The following SEC14L5 variants were observed in gnomAD, a reference collection of about 807,000 sequenced individuals.
SEC14L5 encodes the protein SEC14 like lipid binding 5, also known as SEC14-like protein 5.
SEC14L5 carries 96 observed loss-of-function variants against 84.6 expected under a neutral mutation model. That is an observed-to-expected ratio of 1.13 (90% CI 0.96 to 1.34). The LOEUF is 1.34. Ranked by LOEUF, SEC14L5 falls within the 40% of genes most tolerant of loss-of-function variation. The probability of loss-of-function intolerance (pLI) is 0.00; values close to 1 mark genes in which losing one functional copy is unlikely to be tolerated. For synonymous variants in SEC14L5, 546 were observed against 383.4 expected, an observed-to-expected ratio of 1.42 and a Z score of -4.95; for missense variants, 1,224 against 942.5, an observed-to-expected ratio of 1.30 and a Z score of -3.91.
At chr16:5,010,906 T>C (rs1316849958) in intron 14 of SEC14L5, 189 bp from the exon 15 acceptor site, 6 of 598,562 alleles carry the variant, frequency 1.0e-5, no homozygotes, top group African/African-American at 5.6e-5. Context: ...GTCCCAGGGA[T>C]ATGGGGATAA....
At chr16:4,966,637 T>C (rs1291944365) in intron 2 of SEC14L5, among the ~76,000 whole-genome samples, 2 of 152,172 alleles carry the variant, frequency 1.3e-5, no homozygotes. Flanking sequence ...AGATGAGTTC[T>C]GTGGGCAGCC....
intron 2 of SEC14L5, chr16:4,960,832 C>T (rs1955112258): frequency 6.6e-6 from 1 of 152,234 alleles, no homozygotes; most frequent in Admixed American, 6.5e-5. Context: ...ATGATCGTTA[C>T]TGTTTTTGCA....
chr16:4,962,100 G>C (rs952827585), intron 2 of SEC14L5, among the ~76,000 whole-genome samples: 1 of 135,772 alleles, frequency 7.4e-6, no homozygotes, highest in Non-Finnish European at 1.5e-5. Context: ...CTTATTCATA[G>C]AATAAGACAG....
chr16:5,009,549 C>G (rs1038529054), intron 14 of SEC14L5, among the ~76,000 whole-genome samples: 2 of 152,084 alleles, frequency 1.3e-5, no homozygotes, highest in Admixed American at 6.6e-5. Context: ...ATCTTGAATG[C>G]CTGAGCTCAA....
intron 6 of SEC14L5, among the ~76,000 whole-genome samples, chr16:4,994,715 G>T (rs74005465): frequency 0.011 from 1,677 of 150,078 alleles, 24 homozygotes; most frequent in African/African-American, 0.039. Context: ...GCCCGCTCCT[G>T]CCCCCTCCTG....
At chr16:4,984,038 C>T (rs1212412868) in intron 2 of SEC14L5, among the ~76,000 whole-genome samples, 1 of 152,100 alleles carries the variant, frequency 6.6e-6, no homozygotes, top group East Asian at 1.9e-4. Context: ...ACATATCATA[C>T]AACTCATTCA....
chr16:4,982,090 T>C (rs1479346548), intron 2 of SEC14L5, among the ~76,000 whole-genome samples: 1 of 152,022 alleles, frequency 6.6e-6, no homozygotes, highest in East Asian at 1.9e-4. Context: ...GCAACTGACA[T>C]GGAGATATGG....
chr16:4,971,942 C>G (rs893445467), intron 2 of SEC14L5, among the ~76,000 whole-genome samples: 6 of 151,922 alleles, frequency 3.9e-5, no homozygotes, highest in African/African-American at 1.5e-4. Context: ...AGACTGTAAA[C>G]AAACAAACGC....
chr16:4,989,435 G>T (rs751985373), intron 4 of SEC14L5, among the ~76,000 whole-genome samples: 1 of 151,898 alleles, frequency 6.6e-6, no homozygotes, highest in Non-Finnish European at 1.5e-5. Context: ...TTGTTAAAAG[G>T]ATTCTCTTGC....
At chr16:4,965,609 C>T (rs921862108) in intron 2 of SEC14L5, among the ~76,000 whole-genome samples, 28 of 126,458 alleles carry the variant, frequency 2.2e-4, no homozygotes, top group African/African-American at 8.6e-4. Context: ...TGCACTGAGC[C>T]GAGATAGCAC....
intron 2 of SEC14L5, among the ~76,000 whole-genome samples, chr16:4,972,225 A>C (rs1038265721): frequency 6.6e-6 from 1 of 151,710 alleles, no homozygotes; most frequent in Non-Finnish European, 1.5e-5. Context: ...CTGGTCTCAA[A>C]CTCCCGGCTT....
chr16:5,006,364 A>G (rs1265969362), intron 12 of SEC14L5, among the ~76,000 whole-genome samples: 3 of 152,210 alleles, frequency 2.0e-5, no homozygotes, highest in African/African-American at 4.8e-5. Flanking sequence ...CATCAAAGAC[A>G]TTGCCAAGCA....
intron 6 of SEC14L5, among the ~76,000 whole-genome samples, chr16:4,994,209 C>T (rs1465444198): frequency 6.6e-6 from 1 of 152,124 alleles, no homozygotes; most frequent in Non-Finnish European, 1.5e-5. Context: ...AAGATGTGTA[C>T]TCAGGTTGAT....
intron 3 of SEC14L5, 81 bp downstream of exon 3, chr16:4,987,787 C>A: frequency 1.8e-6 from 2 of 1,134,032 alleles, no homozygotes; most frequent in Non-Finnish European, 2.4e-6. Flanking sequence ...AGCTGGGGAC[C>A]AGGGCGGCGG....
chr16:5,002,200 G>C (rs1396924579), intron 10 of SEC14L5, among the ~76,000 whole-genome samples: 1 of 152,020 alleles, frequency 6.6e-6, no homozygotes, highest in African/African-American at 2.4e-5. Context: ...CTCCTAAACA[G>C]CCCTGTGAGA....
chr16:5,008,744 CT>C, intron 14 of SEC14L5, 96 bp downstream of exon 14: 1 of 1,096,458 alleles, frequency 9.1e-7, no homozygotes, highest in South Asian at 1.4e-5. Context: ...ACATACTGGG[CT>C]GCTGGTCCCC....
Position 4,970,146 on chromosome 16 carries a change from C to T in SEC14L5, c.63+10760C>T, listed in dbSNP as rs1305482869. Among the ~76,000 whole-genome samples, 10 of 152,076 alleles carry T rather than the reference C, an allele frequency of 6.6e-5. No individual in the cohort carries two copies. In the East Asian group the frequency reaches 1.5e-3, roughly 24 times the overall value. ...CTTTTGATGTGGTTCCTGCCCTTAT[C>T]GAGCCCTCAGCATAGTCTATTGGGG... On this transcript the variant is annotated intron_variant, in intron 2 of 15. Transcript: ENST00000251170.
At chr16:4,992,874 A>T (rs1171640087) in intron 6 of SEC14L5, among the ~76,000 whole-genome samples, 6 of 152,230 alleles carry the variant, frequency 3.9e-5, no homozygotes. Flanking sequence ...ACATGCATAC[A>T]TACATGTGTG....
At chr16:5,000,551 T>G (rs1309662014) in intron 8 of SEC14L5, 104 bp from the exon 9 acceptor site, 8 of 844,664 alleles carry the variant, frequency 9.5e-6, no homozygotes, top group Middle Eastern at 2.6e-4. Flanking sequence ...CTTGGTGGGT[T>G]GCAGCCTGAG....
Sources: allele counts gnomAD v4.1 joint callset (sites outside exome capture counted in the v4.1 genomes callset), GRCh38; gene constraint gnomAD v4.1.1; transcripts MANE v1.5; gene names NCBI Gene and HGNC (gene_info 2026-07-23, HGNC 2026-07-21).